The following THSD7B variants were observed in gnomAD, a reference collection of about 807,000 sequenced individuals.
The protein encoded by THSD7B is thrombospondin type 1 domain containing 7B, also known as thrombospondin type-1 domain-containing protein 7B.
A neutral mutation model predicts 213.6 loss-of-function variants in THSD7B; 138 were observed. That is an observed-to-expected ratio of 0.65 (90% CI 0.56 to 0.74). The LOEUF (loss-of-function observed/expected upper bound fraction) is 0.74. Among genes scored for constraint, THSD7B ranks in the 30% least tolerant of loss-of-function variants. The probability of loss-of-function intolerance (pLI) is 0.00; values close to 1 mark genes in which losing one functional copy is unlikely to be tolerated. For synonymous variants in THSD7B, 742 were observed against 687.0 expected (o/e 1.08, Z -1.25); for missense variants, 1,931 against 1,991.5 (o/e 0.97, Z 0.58).
chr2:136,879,246 T>C (rs1283367038), intron 1 of THSD7B, among the ~76,000 whole-genome samples: 1 of 152,238 alleles, frequency 6.6e-6, no homozygotes, highest in East Asian at 1.9e-4. Context: ...GCATTATTTC[T>C]GAGGGCTCTG....
chr2:137,327,019 C>T (rs1684387596), intron 12 of THSD7B, among the ~76,000 whole-genome samples: 1 of 152,202 alleles, frequency 6.6e-6, no homozygotes, highest in African/African-American at 2.4e-5. Context: ...CTGCAAAACA[C>T]ATTTATCCAC....
chr2:137,125,382 C>T (rs1470434613), intron 5 of THSD7B, among the ~76,000 whole-genome samples: 1 of 152,166 alleles, frequency 6.6e-6, no homozygotes, highest in Non-Finnish European at 1.5e-5. Flanking sequence ...AGCATCTTCA[C>T]CAGGAGTAGC....
At chr2:137,278,396 A>G (rs574677810) in intron 12 of THSD7B, among the ~76,000 whole-genome samples, 134 of 152,236 alleles carry the variant, frequency 8.8e-4, no homozygotes, top group Admixed American at 2.7e-3. Flanking sequence ...AATATCTTCT[A>G]AATGTGGAAT....
At chr2:137,074,792 A>G (rs2104896649) in intron 3 of THSD7B, among the ~76,000 whole-genome samples, 1 of 152,232 alleles carries the variant, frequency 6.6e-6, no homozygotes, top group East Asian at 1.9e-4. Flanking sequence ...TGGTGACAAA[A>G]TCTCTCAGCA....
At chr2:137,674,415 A>G (rs1683650392) in intron 27 of THSD7B, among the ~76,000 whole-genome samples, 2 of 151,936 alleles carry the variant, frequency 1.3e-5, no homozygotes, top group African/African-American at 4.8e-5. Context: ...CCCCATCACC[A>G]CCACCACCAT....
intron 10 of THSD7B, among the ~76,000 whole-genome samples, chr2:137,257,866 C>T (rs1324345018): frequency 6.6e-6 from 1 of 152,092 alleles, no homozygotes. Context: ...CACTCTGGAC[C>T]CACATTGCTT....
chr2:137,056,596 T>A lies in THSD7B; in HGVS notation c.316T>A (p.Trp106Arg). ...TGACTGGCACAGTGACCTCTTTCAG[T>A]GGGAGGTTTCTGACTGGCACCACTG... ...VCDWHSDLFQ[W>R]EVSDWHHCVL... Residue 106 changes from tryptophan (W) to arginine (R), a missense_variant, in exon 3 of 28, where the codon TGG (tryptophan) becomes AGG (arginine). Physicochemically the swap from Trp to Arg is moderately radical, Grantham distance 101. Transcript: ENST00000409968. 1 of 1,613,862 alleles carries A rather than the reference T, an allele frequency of 6.2e-7. No individual in the cohort carries two copies. The highest frequency in any genetic ancestry group is 8.5e-7 in the Non-Finnish European group (1 of 1,179,864).
intron 2 of THSD7B, among the ~76,000 whole-genome samples, chr2:137,032,671 T>C (rs1453338123): frequency 6.6e-6 from 1 of 152,214 alleles, no homozygotes; most frequent in East Asian, 1.9e-4. Context: ...ATGATAAACC[T>C]GAGGTGCTCC....
chr2:137,312,786 G>T (rs1318244593), intron 12 of THSD7B, among the ~76,000 whole-genome samples: 1 of 150,956 alleles, frequency 6.6e-6, no homozygotes, highest in Non-Finnish European at 1.5e-5. Flanking sequence ...TTCAGGAGCA[G>T]GTTGTTCAGT....
intron 2 of THSD7B, among the ~76,000 whole-genome samples, chr2:137,046,730 CA>C (rs59928985): frequency 0.024 from 1,077 of 44,340 alleles, 3 homozygotes; most frequent in African/African-American, 0.065. Context: ...AACTCCGTCT[CA>C]AAAAAAAAAA....
intron 1 of THSD7B, among the ~76,000 whole-genome samples, chr2:136,778,787 T>C (rs896663021): frequency 6.6e-6 from 1 of 152,182 alleles, no homozygotes; most frequent in Non-Finnish European, 1.5e-5. Context: ...GTTAGGTCAG[T>C]CTTTTTAAAA....
rs545709396 is a variant in THSD7B, at chr2:137,336,065, ATTGAT to A, written c.2500+60041_2500+60045del. 4.6e-5 allele frequency among the ~76,000 whole-genome samples: 7 copies of A among 152,284 alleles called. No homozygotes were observed. In the South Asian group the frequency reaches 1.4e-3, roughly 32 times the overall value. ...TTACTAATTAGAGAAATATGAGGTC[ATTGAT>A]TAAGTGTTGTTTTCCAGAGACAGAA... On this transcript the variant is annotated intron_variant, in intron 12 of 27. Transcript: ENST00000409968.
chr2:137,170,704 T>A, intron 6 of THSD7B, 37 bp from the exon 7 acceptor site: 1 of 1,591,608 alleles, frequency 6.3e-7, no homozygotes, highest in Non-Finnish European at 8.6e-7. Flanking sequence ...TGGAAAAGAG[T>A]GGAATTCTCT....
intron 1 of THSD7B, among the ~76,000 whole-genome samples, chr2:136,792,114 G>C (rs1438995892): frequency 6.6e-6 from 1 of 151,942 alleles, no homozygotes; most frequent in Non-Finnish European, 1.5e-5. Context: ...TTTCCTGGTG[G>C]CTAATGATGT....
At chr2:137,669,143 T>G (rs1683511344) in intron 27 of THSD7B, among the ~76,000 whole-genome samples, 1 of 152,202 alleles carries the variant, frequency 6.6e-6, no homozygotes, top group African/African-American at 2.4e-5. Context: ...TATATTTATA[T>G]TCATCATCTG....
chr2:137,352,560 A>C (rs531607371), intron 12 of THSD7B, among the ~76,000 whole-genome samples: 1 of 152,056 alleles, frequency 6.6e-6, no homozygotes, highest in South Asian at 2.1e-4. Context: ...TATGGGGTTT[A>C]CCTGGAGTGG....
chr2:137,478,176 G>T (rs13398368), intron 15 of THSD7B, among the ~76,000 whole-genome samples: 1 of 151,918 alleles, frequency 6.6e-6, no homozygotes, highest in Non-Finnish European at 1.5e-5. Context: ...TGTTAAATAG[G>T]TTTTCTATCC....
At chr2:137,088,885 A>G (rs576501994) in intron 3 of THSD7B, among the ~76,000 whole-genome samples, 14 of 152,230 alleles carry the variant, frequency 9.2e-5, no homozygotes, top group Non-Finnish European at 1.5e-4. Context: ...GAACATCACT[A>G]ATGATCAGCA....
chr2:137,307,688 T>A (rs1041445421), intron 12 of THSD7B, among the ~76,000 whole-genome samples: 1 of 152,186 alleles, frequency 6.6e-6, no homozygotes, highest in African/African-American at 2.4e-5. Context: ...ACAATGCTCA[T>A]GCACTACTGA....
Sources: allele counts gnomAD v4.1 joint callset (sites outside exome capture counted in the v4.1 genomes callset), GRCh38; gene constraint gnomAD v4.1.1; transcripts MANE v1.5; gene names NCBI Gene and HGNC (gene_info 2026-07-23, HGNC 2026-07-21).